The following SAMMSON variants were observed in gnomAD, a reference collection of about 807,000 sequenced individuals.
SAMMSON encodes the protein survival associated mitochondrial melanoma specific oncogenic non-coding RNA.
chr3:70,313,318 T>C (rs1047566827), intron 7 of SAMMSON, among the ~76,000 whole-genome samples: 2 of 151,938 alleles, frequency 1.3e-5, no homozygotes, highest in African/African-American at 4.8e-5. Context: ...AATTTAAATT[T>C]TTTTTTTAAA....
At chr3:70,377,593 A>C (rs943141395) in intron 9 of SAMMSON, among the ~76,000 whole-genome samples, 7 of 152,116 alleles carry the variant, frequency 4.6e-5, no homozygotes, top group African/African-American at 1.4e-4. Flanking sequence ...AGAGTAATTT[A>C]AGCAATTCAG....
At chr3:70,206,788 T>C (rs181864213) in intron 4 of SAMMSON, 1 of 397,468 alleles carries the variant, frequency 2.5e-6, no homozygotes, top group African/African-American at 2.1e-5. Flanking sequence ...GTGAGTTGCG[T>C]ATCTAGAGGA....
At chr3:70,056,907 T>C (rs991022640) in intron 3 of SAMMSON, among the ~76,000 whole-genome samples, 1 of 152,004 alleles carries the variant, frequency 6.6e-6, no homozygotes, top group Non-Finnish European at 1.5e-5. Flanking sequence ...GCCTAATCTA[T>C]ATAAATGAAC....
chr3:70,363,115 T>C (rs1478865406), intron 9 of SAMMSON, among the ~76,000 whole-genome samples: 1 of 151,752 alleles, frequency 6.6e-6, no homozygotes, highest in Non-Finnish European at 1.5e-5. Flanking sequence ...AACAGGGAAA[T>C]GAAAGCATAT....
At chr3:70,393,061 A>G (rs1172116160), downstream of SAMMSON, among the ~76,000 whole-genome samples, 2 of 152,184 alleles carry the variant, frequency 1.3e-5, no homozygotes, top group East Asian at 3.8e-4. Flanking sequence ...GAAATGGAAT[A>G]TGGACTAATT....
chr3:70,098,131 T>C (rs2067329377), intron 4 of SAMMSON, among the ~76,000 whole-genome samples: 1 of 152,188 alleles, frequency 6.6e-6, no homozygotes, highest in Non-Finnish European at 1.5e-5. Flanking sequence ...TTTTGGGGGA[T>C]AGAGAAATTA....
intron 4 of SAMMSON, among the ~76,000 whole-genome samples, chr3:70,113,467 T>G (rs1430406787): frequency 6.6e-6 from 1 of 152,206 alleles, no homozygotes; most frequent in Non-Finnish European, 1.5e-5. Flanking sequence ...TTTAAAAATT[T>G]TAGATAATTA....
At chr3:70,000,554 T>G (rs2066901887) in intron 1 of SAMMSON, among the ~76,000 whole-genome samples, 1 of 152,220 alleles carries the variant, frequency 6.6e-6, no homozygotes, top group Non-Finnish European at 1.5e-5. Context: ...GTAAACATAT[T>G]TCTGTTTAGC....
intron 2 of SAMMSON, among the ~76,000 whole-genome samples, chr3:70,400,869 T>G (rs1302007153): frequency 6.6e-6 from 1 of 151,172 alleles, no homozygotes; most frequent in Non-Finnish European, 1.5e-5. Flanking sequence ...GAGGTAGAGG[T>G]TGTAGTGAGC....
At chr3:70,080,581 C>T (rs1384940215) in intron 4 of SAMMSON, among the ~76,000 whole-genome samples, 1 of 152,082 alleles carries the variant, frequency 6.6e-6, no homozygotes, top group Non-Finnish European at 1.5e-5. Context: ...ATCTAAATGC[C>T]ATTGTCCCCC....
intron 3 of SAMMSON, chr3:70,069,146 A>G (rs1348692597): frequency 6.6e-6 from 1 of 152,078 alleles, no homozygotes; most frequent in Non-Finnish European, 1.5e-5. Context: ...CACAAATTCA[A>G]TATCTGAAAA....
chr3:70,087,117 T>A (rs1232243021), intron 4 of SAMMSON, among the ~76,000 whole-genome samples: 1 of 152,252 alleles, frequency 6.6e-6, no homozygotes, highest in East Asian at 1.9e-4. Context: ...CACTGAGGAT[T>A]CACTATATTG....
chr3:70,195,156 G>A (rs2106714804), intron 4 of SAMMSON, among the ~76,000 whole-genome samples: 1 of 152,206 alleles, frequency 6.6e-6, no homozygotes, highest in Non-Finnish European at 1.5e-5. Flanking sequence ...TTTCCCCTGT[G>A]AAATATAAAA....
At chr3:70,115,476 T>A (rs191052433) in intron 4 of SAMMSON, among the ~76,000 whole-genome samples, 155 of 152,288 alleles carry the variant, frequency 1.0e-3, no homozygotes, top group Non-Finnish European at 1.8e-3. Flanking sequence ...GTCTTAGACA[T>A]ACTTACGTAT....
At chr3:70,301,372 G>T (rs6549333) in intron 7 of SAMMSON, among the ~76,000 whole-genome samples, 31,543 of 151,952 alleles carry the variant, frequency 0.21, 3,463 homozygotes, top group South Asian at 0.28. Flanking sequence ...GTTTTTGCAT[G>T]TTCTATTATA....
intron 3 of SAMMSON, among the ~76,000 whole-genome samples, chr3:70,070,622 T>C (rs1283917146): frequency 6.6e-6 from 1 of 151,984 alleles, no homozygotes; most frequent in African/African-American, 2.4e-5. Flanking sequence ...GGGACATAAA[T>C]TGATCCCATT....
At chr3:70,192,352 C>T (rs1701136977) in intron 4 of SAMMSON, among the ~76,000 whole-genome samples, 1 of 152,186 alleles carries the variant, frequency 6.6e-6, no homozygotes, top group Admixed American at 6.5e-5. Context: ...AACCCTTTGG[C>T]TGAGGGTCCT....
intron 7 of SAMMSON, among the ~76,000 whole-genome samples, chr3:70,351,863 G>C (rs565061762): frequency 6.6e-6 from 1 of 152,130 alleles, no homozygotes; most frequent in South Asian, 2.1e-4. Flanking sequence ...AGGCCCCTTG[G>C]GGACTCTAGA....
At chr3:70,098,460 C>G (rs1014536584) in intron 4 of SAMMSON, among the ~76,000 whole-genome samples, 3 of 152,050 alleles carry the variant, frequency 2.0e-5, no homozygotes, top group Non-Finnish European at 4.4e-5. Flanking sequence ...TTCCACCTCC[C>G]TGGTTCAAGC....
Sources: allele counts gnomAD v4.1 joint callset (sites outside exome capture counted in the v4.1 genomes callset), GRCh38; gene constraint gnomAD v4.1.1; transcripts MANE v1.5; gene names NCBI Gene and HGNC (gene_info 2026-07-23, HGNC 2026-07-21).